Variants in VPS35L observed in about 807,000 individuals in gnomAD.
The protein encoded by VPS35L is VPS35 endosomal protein sorting factor like, also known as VPS35 endosomal protein-sorting factor-like.
A neutral mutation model predicts 133.0 loss-of-function variants in VPS35L; 83 were observed. The ratio of observed to expected loss-of-function variants is 0.62; its 90% confidence interval spans 0.52 to 0.75. VPS35L has a LOEUF of 0.75. Ranked by LOEUF, VPS35L falls within the 30% of genes least tolerant of loss-of-function variation. The pLI is 0.00. For missense variants in VPS35L, 1,083 were observed against 1,206.8 expected, an observed-to-expected ratio of 0.90 and a Z score of 1.52; for synonymous variants, 423 against 449.9, an observed-to-expected ratio of 0.94 and a Z score of 0.76.
chr16:19,627,549 T>C, intron 15 of VPS35L, 145 bp from the exon 16 acceptor site: 1 of 644,500 alleles, frequency 1.6e-6, no homozygotes, highest in South Asian at 1.8e-5. Flanking sequence ...TCTCTCCAGT[T>C]TACCTTTTTA....
At chr16:19,680,971 G>A (rs1462695495) in intron 27 of VPS35L, among the ~76,000 whole-genome samples, 1 of 148,470 alleles carries the variant, frequency 6.7e-6, no homozygotes, top group Non-Finnish European at 1.5e-5. Flanking sequence ...GAGGACTGCA[G>A]ATGGAATGTC....
chr16:19,561,231 T>A (rs920104110), intron 1 of VPS35L, among the ~76,000 whole-genome samples: 1 of 151,544 alleles, frequency 6.6e-6, no homozygotes, highest in African/African-American at 2.4e-5. Context: ...ATTAGCCGGG[T>A]GTGGTGGCGG....
intron 1 of VPS35L, among the ~76,000 whole-genome samples, chr16:19,563,287 T>C (rs544333004): frequency 1.4e-5 from 2 of 146,228 alleles, no homozygotes; most frequent in South Asian, 2.2e-4. Context: ...CTGGGCAACA[T>C]AGGAAGATGC....
intron 1 of VPS35L, among the ~76,000 whole-genome samples, chr16:19,562,711 A>G (rs753736767): frequency 1.4e-4 from 21 of 152,146 alleles, no homozygotes; most frequent in Non-Finnish European, 4.4e-5. Flanking sequence ...ATCATTTAAA[A>G]ACATTTTCTG....
At chr16:19,569,337 C>T (rs539453832) in intron 2 of VPS35L, 87 bp from the exon 3 acceptor site, 6 of 1,451,354 alleles carry the variant, frequency 4.1e-6, no homozygotes, top group South Asian at 2.3e-5. Flanking sequence ...CATTCAACTA[C>T]CAGAATGGGA....
At chr16:19,565,830 G>C (rs1017246970) in intron 2 of VPS35L, among the ~76,000 whole-genome samples, 2 of 152,092 alleles carry the variant, frequency 1.3e-5, no homozygotes, top group Non-Finnish European at 2.9e-5. Context: ...TTTGTATTTG[G>C]AATATAAGAG....
chr16:19,570,834 CATATATATATA>C (rs1971340398), intron 3 of VPS35L, among the ~76,000 whole-genome samples: 5 of 78,806 alleles, frequency 6.3e-5, no homozygotes, highest in Admixed American at 4.2e-4. Context: ...TGCTGTGTTT[CATATATATATA>C]TATATATATA....
intron 23 of VPS35L, 31 bp from the exon 24 acceptor site, chr16:19,647,753 T>C (rs1973996162): frequency 1.3e-6 from 2 of 1,545,408 alleles, no homozygotes; most frequent in East Asian, 2.2e-5. Flanking sequence ...AATACCACTG[T>C]CCCTTTCAGC....
chr16:19,651,399 A>G (rs1272178714), intron 25 of VPS35L, among the ~76,000 whole-genome samples: 1 of 150,366 alleles, frequency 6.7e-6, no homozygotes, highest in Non-Finnish European at 1.5e-5. Context: ...GATGGGGCAT[A>G]TCACTAGGTT....
Position 19,601,862 on chromosome 16 carries a change from T to A in VPS35L, c.784+139T>A, listed in dbSNP as rs1343668110. The A allele has an allele frequency of 5.0e-6, 4 of 797,888 alleles. No homozygotes were observed. In the African/African-American group the frequency reaches 7.0e-5, roughly 14 times the overall value. The allele number at this position is 797,888 out of a possible 1,614,324, so 49.4% of individuals were successfully genotyped here. On this transcript the variant is annotated intron_variant, in intron 9 of 30. Transcript: ENST00000417362. The stretch of plus-strand genomic sequence containing the variant: ...AAAGTAAAAGAAACACCTTTGAAGA[T>A]TTCTGATCACCTCAGTCTTCTAAAA...
chr16:19,566,323 C>G (rs1172963111), intron 2 of VPS35L, among the ~76,000 whole-genome samples: 2 of 152,120 alleles, frequency 1.3e-5, no homozygotes, highest in Non-Finnish European at 2.9e-5. Context: ...TGGCAAAACC[C>G]CATCTCTACT....
chr16:19,661,066 T>TTATATA lies in VPS35L; in HGVS notation c.2222-8080_2222-8075dup, dbSNP rs67155417. Reference sequence around the variant, plus strand: ...CTTCACTCTCCATTTATCTATATTCTTATATATATATATATATATGTAGTT... The same window carrying TTATATA: ...CTTCACTCTCCATTTATCTATATTCTTATATATATATATATATATATATATGTAGTT... On this transcript the variant is annotated intron_variant, in intron 26 of 30. Coordinates refer to ENST00000417362, the MANE Select transcript of VPS35L (RefSeq NM_020314.7). 4.4e-4 allele frequency among the ~76,000 whole-genome samples: 66 copies of TTATATA among 148,484 alleles called. 2 individuals carry two copies. The South Asian group carries it at 0.011, about 24-fold the overall frequency.
intron 19 of VPS35L, 65 bp from the exon 20 acceptor site, chr16:19,637,529 A>T: frequency 1.6e-6 from 2 of 1,256,636 alleles, no homozygotes; most frequent in Non-Finnish European, 2.2e-6. Flanking sequence ...AGAGAATGTA[A>T]ACCAGAAAGA....
Position 19,700,477 on chromosome 16 carries a change from C to T in VPS35L, c.*1C>T, listed in dbSNP as rs546370021. ...ACTCCCTCTGCAAACAAGGACCTGA[C>T]CCCCGGGCCCATCCCCAGGCTCAGG... On this transcript the variant is annotated 3_prime_UTR_variant, in exon 31 of 31. Coordinates refer to ENST00000417362, the MANE Select transcript of VPS35L (RefSeq NM_020314.7). 1.9e-6 allele frequency: 3 copies of T among 1,612,718 alleles called. No individual in the cohort carries two copies. In the Admixed American group the frequency reaches 5.0e-5, roughly 27 times the overall value.
chr16:19,700,243 C>A, intron 30 of VPS35L, 135 bp from the exon 31 acceptor site: 1 of 695,562 alleles, frequency 1.4e-6, no homozygotes, highest in Non-Finnish European at 2.4e-6. Context: ...TTGATTTCTT[C>A]CCTCCTCTCA....
At position 19,624,269 on chromosome 16, in the gene VPS35L, C is replaced by T. The variant is rs999880126; in HGVS notation, c.1225-1908C>T. 2.0e-5 allele frequency among the ~76,000 whole-genome samples: 3 copies of T among 151,864 alleles called. No individual in the cohort carries two copies. The South Asian group carries it at 6.2e-4, about 32-fold the overall frequency. On this transcript the variant is annotated intron_variant, in intron 14 of 30. Coordinates refer to ENST00000417362, the MANE Select transcript of VPS35L (RefSeq NM_020314.7). ...TAGCTGGGACCACAGGCACGTACCA[C>T]CACACCCAGCTAATTTTTTAAAAAA...
chr16:19,578,821 C>T, intron 5 of VPS35L: 1 of 555,698 alleles, frequency 1.8e-6, no homozygotes, highest in Non-Finnish European at 3.2e-6. Context: ...AGCGGTTAAC[C>T]TCTTTGAGGC....
At chr16:19,655,182 C>T (rs1159643173) in intron 26 of VPS35L, among the ~76,000 whole-genome samples, 2 of 152,138 alleles carry the variant, frequency 1.3e-5, no homozygotes, top group Non-Finnish European at 2.9e-5. Flanking sequence ...GTCTGTCTCC[C>T]CTGTCACTTT....
intron 14 of VPS35L, among the ~76,000 whole-genome samples, chr16:19,624,574 G>A (rs1973200951): frequency 6.6e-6 from 1 of 150,994 alleles, no homozygotes; most frequent in East Asian, 2.0e-4. Flanking sequence ...AACAGAGTAA[G>A]ACTCGTCTCT....
Sources: allele counts gnomAD v4.1 joint callset (sites outside exome capture counted in the v4.1 genomes callset), GRCh38; gene constraint gnomAD v4.1.1; transcripts MANE v1.5; gene names NCBI Gene and HGNC (gene_info 2026-07-23, HGNC 2026-07-21).